Variants in XPO6 observed in about 807,000 individuals in gnomAD.
XPO6 encodes exportin-6.
In XPO6, 3 loss-of-function variants were observed where a neutral mutation model predicts 130.0. The ratio of observed to expected loss-of-function variants is 0.02; its 90% CI spans 0.01 to 0.06. XPO6 has a LOEUF of 0.06. Among genes scored for constraint, XPO6 ranks in the 10% least tolerant of loss-of-function variants. The pLI is 1.00. For synonymous variants in XPO6, 524 were observed against 548.9 expected, an observed-to-expected ratio of 0.95 and a Z score of 0.63; for missense variants, 970 against 1,393.0, an observed-to-expected ratio of 0.70 and a Z score of 4.83.
In XPO6 at chr16:28,099,280, G is replaced by A. The variant is rs569762450; in HGVS notation, c.3277-641C>T. On this transcript the variant is annotated intron_variant, in intron 23 of 23. Transcript: ENST00000304658. The stretch of plus-strand genomic sequence containing the variant: ...CCCTGACCTCCGCCATCATGCACAC[G>A]GTGAGACCCTGCTTTTTTTTTCAGT... Among the ~76,000 whole-genome samples the A allele has an allele frequency of 3.1e-4, 47 of 152,244 alleles. No individual in the cohort carries two copies. In the South Asian group the frequency reaches 8.5e-3, roughly 28 times the overall value.
intron 1 of XPO6, among the ~76,000 whole-genome samples, chr16:28,187,871 G>A (rs2043720193): frequency 6.6e-6 from 1 of 151,820 alleles, no homozygotes; most frequent in South Asian, 2.1e-4. Flanking sequence ...TAAGGGTTCT[G>A]ACCATAAGCA....
chr16:28,173,782 C>T (rs11074896), intron 4 of XPO6, among the ~76,000 whole-genome samples: 8,234 of 152,194 alleles, frequency 0.054, 569 homozygotes, highest in East Asian at 0.17. Context: ...TTTAAACCTC[C>T]AGAAGCCCTT....
At position 28,208,890 on chromosome 16, in the gene XPO6, T is replaced by C. The variant is rs554685848; in HGVS notation, c.3+2476A>G. The C allele has an allele frequency of 2.0e-5, 3 of 152,332 alleles. No individual in the cohort carries two copies. In the South Asian group the frequency reaches 6.2e-4, roughly 32 times the overall value. The allele number at this position is 152,332 out of a possible 1,614,324, so 9.4% of individuals were successfully genotyped here. A position where few individuals can be genotyped will look rare whatever the true frequency, so the allele number is the denominator to read the frequency against. ...TTCACTTGTAAGATTTGTACACCCA[T>C]ATTCACAGCAGTATTATTCACAATA... On this transcript the variant is annotated intron_variant, in intron 1 of 23. Transcript: ENST00000304658.
At chr16:28,145,631 T>C (rs1044492696) in intron 9 of XPO6, among the ~76,000 whole-genome samples, 1 of 152,202 alleles carries the variant, frequency 6.6e-6, no homozygotes, top group African/African-American at 2.4e-5. Context: ...TAGGAAATTT[T>C]CAAACACATA....
At chr16:28,197,241 G>C in intron 1 of XPO6, among the ~76,000 whole-genome samples, 1 of 151,970 alleles carries the variant, frequency 6.6e-6, no homozygotes, top group Non-Finnish European at 1.5e-5. Context: ...GACAGAGAGA[G>C]ACTCTGACTC....
chr16:28,128,706 A>G (rs1281447786), intron 12 of XPO6, among the ~76,000 whole-genome samples: 1 of 152,156 alleles, frequency 6.6e-6, no homozygotes, highest in Admixed American at 6.5e-5. Flanking sequence ...CCGGCCCTTC[A>G]GCCTCTTCCT....
chr16:28,201,813 C>T (rs1467083296), intron 1 of XPO6, among the ~76,000 whole-genome samples: 1 of 152,178 alleles, frequency 6.6e-6, no homozygotes, highest in African/African-American at 2.4e-5. Flanking sequence ...CGAGATCACA[C>T]CACTGCACTC....
intron 14 of XPO6, among the ~76,000 whole-genome samples, chr16:28,121,109 G>C (rs1460901164): frequency 6.6e-6 from 1 of 152,228 alleles, no homozygotes; most frequent in Non-Finnish European, 1.5e-5. Flanking sequence ...GTTATCTGTA[G>C]AGTTTCTGTA....
At chr16:28,103,771 GAGTC>G (rs1417479663) in intron 21 of XPO6, among the ~76,000 whole-genome samples, 13 of 152,356 alleles carry the variant, frequency 8.5e-5, no homozygotes, top group South Asian at 2.1e-4. Context: ...TGCCACACAA[GAGTC>G]AGTATGTGTG....
intron 1 of XPO6, among the ~76,000 whole-genome samples, chr16:28,209,878 C>T (rs993701095): frequency 2.6e-5 from 4 of 152,058 alleles, no homozygotes; most frequent in Admixed American, 6.6e-5. Context: ...GTGGCTCACG[C>T]CTGTAATCCC....
intron 6 of XPO6, among the ~76,000 whole-genome samples, chr16:28,161,786 T>C (rs776415660): frequency 5.3e-5 from 8 of 152,172 alleles, no homozygotes. Flanking sequence ...CAAGTCCCTC[T>C]GCTAGCATAA....
At chr16:28,195,668 G>C (rs1815429363) in intron 1 of XPO6, among the ~76,000 whole-genome samples, 4 of 152,200 alleles carry the variant, frequency 2.6e-5, no homozygotes, top group Admixed American at 2.6e-4. Flanking sequence ...CAGAAGAATT[G>C]CTTGAATCCA....
chr16:28,114,038 T>C (rs1016115032), intron 15 of XPO6, among the ~76,000 whole-genome samples: 15 of 152,176 alleles, frequency 9.9e-5, no homozygotes, highest in Admixed American at 9.8e-4. Flanking sequence ...ATAGCAGACT[T>C]GGAGGATAAC....
rs1365564433 is a variant in XPO6, at chr16:28,132,249, C to A, written c.1606+85G>T. The A allele has an allele frequency of 5.8e-6, 6 of 1,043,280 alleles. No homozygotes were observed. The highest frequency in any genetic ancestry group is 8.6e-6 in the Non-Finnish European group (6 of 697,896). 64.6% of individuals were successfully genotyped at this position (1,043,280 alleles called of 1,614,324 possible). A position where few individuals can be genotyped will look rare whatever the true frequency, so the allele number is the denominator to read the frequency against. On this transcript the variant is annotated intron_variant, in intron 12 of 23. Transcript: ENST00000304658. The surrounding 1 kb of genome is among the most constrained non-coding windows in gnomAD (Gnocchi z 4.0). The stretch of plus-strand genomic sequence containing the variant: ...GAGGCTGCAGTGAAGAAATCATGTT[C>A]CGACAGCAACGGCAGCAGTAATGAA...
chr16:28,133,002 C>T (rs1011928214), intron 11 of XPO6, among the ~76,000 whole-genome samples: 3 of 152,176 alleles, frequency 2.0e-5, no homozygotes, highest in African/African-American at 7.2e-5. Flanking sequence ...ACGAAGCTTT[C>T]CAGGAGAGAA....
intron 1 of XPO6, among the ~76,000 whole-genome samples, chr16:28,208,105 C>T: frequency 6.6e-6 from 1 of 152,020 alleles, no homozygotes; most frequent in South Asian, 2.1e-4. Context: ...AAGATCATGC[C>T]ACTACACTCC....
chr16:28,122,427 G>A (rs1021429896), intron 13 of XPO6, among the ~76,000 whole-genome samples: 7 of 152,104 alleles, frequency 4.6e-5, no homozygotes, highest in African/African-American at 1.7e-4. Flanking sequence ...TTCAAGACCA[G>A]CCTGGACAAC....
chr16:28,116,702 C>T (rs1326786076), intron 15 of XPO6, among the ~76,000 whole-genome samples: 1 of 152,198 alleles, frequency 6.6e-6, no homozygotes, highest in Non-Finnish European at 1.5e-5. Context: ...AGTCAGAACA[C>T]ACACATTTAT....
At chr16:28,123,897 T>C (rs1248337267) in intron 13 of XPO6, among the ~76,000 whole-genome samples, 1 of 152,180 alleles carries the variant, frequency 6.6e-6, no homozygotes, top group Admixed American at 6.5e-5. Context: ...AAGAGCCTTC[T>C]CTCACATTTT....
Sources: allele counts gnomAD v4.1 joint callset (sites outside exome capture counted in the v4.1 genomes callset), GRCh38; gene constraint gnomAD v4.1.1; non-coding constraint Gnocchi (gnomAD v3.1); transcripts MANE v1.5; gene names NCBI Gene and HGNC (gene_info 2026-07-23, HGNC 2026-07-21).